UBA6: variants seen among roughly 807,000 people sequenced by gnomAD.
UBA6 encodes the protein ubiquitin like modifier activating enzyme 6.
A neutral mutation model predicts 148.3 loss-of-function variants in UBA6; 87 were observed. That is an observed-to-expected ratio of 0.59 (90% CI 0.49 to 0.70). The LOEUF is 0.70. Ranked by LOEUF, UBA6 falls within the 30% of genes least tolerant of loss-of-function variation. The probability of loss-of-function intolerance (pLI) is 0.00; values close to 1 mark genes in which losing one functional copy is unlikely to be tolerated. For synonymous variants in UBA6, 376 were observed against 401.0 expected, an observed-to-expected ratio of 0.94 and a Z score of 0.75; for missense variants, 1,186 against 1,241.2, an observed-to-expected ratio of 0.96 and a Z score of 0.67.
chr4:67,641,029 T>C, intron 18 of UBA6, 122 bp downstream of exon 18: 1 of 671,450 alleles, frequency 1.5e-6, no homozygotes, highest in Non-Finnish European at 2.6e-6. Flanking sequence ...TTTCCATTAA[T>C]TGATAATTTG....
At chr4:67,693,922 A>G (rs1340414489) in intron 2 of UBA6, among the ~76,000 whole-genome samples, 1 of 152,098 alleles carries the variant, frequency 6.6e-6, no homozygotes, top group Admixed American at 6.6e-5. Flanking sequence ...ATTTTTAAAA[A>G]GAGAAAATAC....
intron 27 of UBA6, among the ~76,000 whole-genome samples, chr4:67,628,369 T>C (rs1214276899): frequency 6.6e-6 from 1 of 151,916 alleles, no homozygotes. Flanking sequence ...AGACGAGTCC[T>C]GACCTTAAAA....
chr4:67,619,253 T>C, intron 32 of UBA6, 121 bp from the exon 33 acceptor site: 2 of 702,774 alleles, frequency 2.8e-6, no homozygotes, highest in Admixed American at 5.8e-5. Context: ...CTAATAATAA[T>C]CTGCTTTCAC....
intron 14 of UBA6, among the ~76,000 whole-genome samples, 161 bp from the exon 15 acceptor site, chr4:67,646,952 A>T (rs1339355143): frequency 6.6e-6 from 1 of 151,790 alleles, no homozygotes; most frequent in East Asian, 1.9e-4. Context: ...TATAATATAC[A>T]TTTCTATATC....
intron 13 of UBA6, among the ~76,000 whole-genome samples, chr4:67,657,481 A>G (rs1211850679): frequency 6.6e-6 from 1 of 152,170 alleles, no homozygotes; most frequent in African/African-American, 2.4e-5. Flanking sequence ...ATATGTAGAA[A>G]GCTGAAACTG....
At chr4:67,690,531 A>G (rs1404535358) in intron 2 of UBA6, among the ~76,000 whole-genome samples, 1 of 152,164 alleles carries the variant, frequency 6.6e-6, no homozygotes, top group Non-Finnish European at 1.5e-5. Context: ...GAAAGTATTT[A>G]TAAACCATGT....
At chr4:67,665,417 T>C in intron 9 of UBA6, 125 bp from the exon 10 acceptor site, 2 of 561,060 alleles carry the variant, frequency 3.6e-6, no homozygotes, top group South Asian at 5.6e-5. Flanking sequence ...CATAGTGTTT[T>C]TTTTTGTTTG....
rs898480318 is a variant in UBA6, at chr4:67,617,667, A to G, written c.*1330T>C. On this transcript the variant is annotated 3_prime_UTR_variant, in exon 33 of 33. Transcript: ENST00000322244. ...AAGTAGGTATAATACATAGTGTAAA[A>G]GATACCAAATTGGAGTAATATTGAT... The G allele has an allele frequency of 7.2e-5, 11 of 152,144 alleles. No individual in the cohort carries two copies. The highest frequency in any genetic ancestry group is 1.3e-4 in the Non-Finnish European group (9 of 67,972). The allele number at this position is 152,144 out of a possible 1,614,324, so 9.4% of individuals were successfully genotyped here. A position where few individuals can be genotyped will look rare whatever the true frequency, so the allele number is the denominator to read the frequency against.
intron 6 of UBA6, among the ~76,000 whole-genome samples, chr4:67,674,872 GTTT>G (rs568561710): frequency 5.4e-5 from 8 of 147,938 alleles, no homozygotes; most frequent in African/African-American, 2.0e-4. Flanking sequence ...TCTGTTTTGG[GTTT>G]TTTTTTTGAG....
intron 13 of UBA6, among the ~76,000 whole-genome samples, chr4:67,659,925 C>T (rs192858922): frequency 2.9e-3 from 434 of 152,236 alleles, no homozygotes; most frequent in Middle Eastern, 0.017. Context: ...AAAGGTGACT[C>T]TTATTATGCT....
In UBA6 at chr4:67,617,268, G is replaced by A. The variant is rs1728649098; in HGVS notation, c.*1729C>T. 6.6e-6 allele frequency: 1 copy of A among 152,044 alleles called. No homozygotes were observed. The highest frequency in any genetic ancestry group is 2.4e-5 in the African/African-American group (1 of 41,424). The allele number at this position is 152,044 out of a possible 1,614,324, so 9.4% of individuals were successfully genotyped here. A position where few individuals can be genotyped will look rare whatever the true frequency, so the allele number is the denominator to read the frequency against. On this transcript the variant is annotated 3_prime_UTR_variant, in exon 33 of 33. Coordinates refer to ENST00000322244, the MANE Select transcript of UBA6 (RefSeq NM_018227.6). ...TCAAAGAACACAAAACAAAGTGAAC[G>A]TGGAAAAAAGCCTTCTTTGCAAAAG...
Position 67,619,076 on chromosome 4 carries a change from G to A in UBA6, c.3080C>T (p.Ser1027Leu). The change falls in exon 33 of 33, where the codon TCA (serine) becomes TTA (leucine). Residue 1027 changes from serine to leucine, a missense_variant. Physicochemically the swap from Ser to Leu is moderately radical, Grantham distance 145 (BLOSUM62 -2). Coordinates refer to ENST00000322244, the MANE Select transcript of UBA6 (RefSeq NM_018227.6). The part of the protein sequence containing the change: ...TEKKYVDLTV[S>L]FAPDIDGDED... ...ATCTCCATCAATGTCTGGAGCAAAT[G>A]ACACAGTAAGATCCACATATTTCTT... is the stretch of plus-strand genomic sequence containing the variant. 1 of 1,612,202 alleles carries A rather than the reference G, an allele frequency of 6.2e-7. No individual in the cohort carries two copies. Among genetic ancestry groups the A allele is most frequent in the Non-Finnish European group, 8.5e-7 (1 of 1,178,338 alleles).
At chr4:67,644,592 C>T (rs1729377605) in intron 17 of UBA6, 106 bp downstream of exon 17, 2 of 630,800 alleles carry the variant, frequency 3.2e-6, no homozygotes, top group South Asian at 2.3e-5. Context: ...TAGTTTAATG[C>T]TCTATTTTCA....
At chr4:67,686,952 T>TAAAAAAAAAAA (rs546442640) in intron 2 of UBA6, among the ~76,000 whole-genome samples, 2 of 57,188 alleles carry the variant, frequency 3.5e-5, no homozygotes, top group East Asian at 1.3e-3. Context: ...ATCCTGTCTC[T>TAAAAAAAAAAA]AAAAAAAAAA....
At chr4:67,653,106 A>G (rs1729594095) in intron 13 of UBA6, among the ~76,000 whole-genome samples, 1 of 152,228 alleles carries the variant, frequency 6.6e-6, no homozygotes, top group Non-Finnish European at 1.5e-5. Flanking sequence ...GGGCTTAGCT[A>G]AACAAAAGGC....
intron 2 of UBA6, among the ~76,000 whole-genome samples, chr4:67,693,578 A>G (rs1730750116): frequency 6.6e-6 from 1 of 152,178 alleles, no homozygotes; most frequent in African/African-American, 2.4e-5. Context: ...ACTTGTTAGT[A>G]GGGTAGAGTT....
At chr4:67,676,530 CA>C (rs1553909393) in intron 6 of UBA6, among the ~76,000 whole-genome samples, 1 of 152,180 alleles carries the variant, frequency 6.6e-6, no homozygotes, top group Non-Finnish European at 1.5e-5. Flanking sequence ...TCACTGAGGG[CA>C]TAGCTCTCTG....
intron 13 of UBA6, among the ~76,000 whole-genome samples, chr4:67,656,844 A>G (rs1262896764): frequency 6.6e-6 from 1 of 152,254 alleles, no homozygotes; most frequent in East Asian, 1.9e-4. Context: ...CTCAGGATAC[A>G]AAATCAATGT....
At chr4:67,620,723 C>A (rs1728732257) in intron 32 of UBA6, among the ~76,000 whole-genome samples, 1 of 152,208 alleles carries the variant, frequency 6.6e-6, no homozygotes, top group Non-Finnish European at 1.5e-5. Flanking sequence ...ACAGGACTAA[C>A]ATTTATGGAA....
Sources: allele counts gnomAD v4.1 joint callset (sites outside exome capture counted in the v4.1 genomes callset), GRCh38; gene constraint gnomAD v4.1.1; transcripts MANE v1.5; gene names NCBI Gene and HGNC (gene_info 2026-07-23, HGNC 2026-07-21).